The following NOX3 variants were observed in gnomAD, a reference collection of about 807,000 sequenced individuals.
NOX3 encodes NADPH oxidase 3.
A neutral mutation model predicts 76.7 loss-of-function variants in NOX3; 74 were observed. That is an observed-to-expected ratio of 0.96 (90% confidence interval 0.80 to 1.17). The LOEUF is 1.17. NOX3 is among the 50% of genes most tolerant of loss of function. The probability of loss-of-function intolerance (pLI) is 0.00; values close to 1 mark genes in which losing one functional copy is unlikely to be tolerated. For missense variants in NOX3, 695 were observed against 703.3 expected (o/e 0.99, Z 0.13); for synonymous variants, 263 against 261.1 (o/e 1.01, Z -0.07).
At position 155,429,034 on chromosome 6, in the gene NOX3, G is replaced by T. The variant is rs774406436; in HGVS notation, c.905C>A (p.Pro302His). The change falls in exon 9 of 14, where the codon CCC becomes CAC. Residue 302 changes from proline to histidine, a missense_variant. Pro to His is a moderately conservative substitution (Grantham distance 77). Coordinates refer to ENST00000159060, the MANE Select transcript of NOX3 (RefSeq NM_015718.3). Reference sequence around the variant, plus strand: ...CATGTGAAGTTCCAGGACTCCAGAGGGGTGGCTTACCACCTATGTGAGAGT... The same window carrying T: ...CATGTGAAGTTCCAGGACTCCAGAGTGGTGGCTTACCACCTATGTGAGAGT... ...EVVITKVVSH[P>H]SGVLELHMKK... 4.4e-6 allele frequency: 7 copies of T among 1,598,828 alleles called. No individual in the cohort carries two copies. In the East Asian group the frequency reaches 1.4e-4, roughly 31 times the overall value.
At chr6:155,420,355 C>T (rs962033734) in intron 10 of NOX3, among the ~76,000 whole-genome samples, 5 of 152,162 alleles carry the variant, frequency 3.3e-5, no homozygotes, top group African/African-American at 1.2e-4. Flanking sequence ...AGCAGTGAGC[C>T]ACCTCTCTGA....
At chr6:155,418,224 T>C (rs1251257980) in intron 10 of NOX3, among the ~76,000 whole-genome samples, 2 of 152,072 alleles carry the variant, frequency 1.3e-5, no homozygotes, top group African/African-American at 2.4e-5. Context: ...ACCGTCCTAA[T>C]TTTTTTTCAA....
intron 11 of NOX3, among the ~76,000 whole-genome samples, chr6:155,407,593 T>C (rs1339248638): frequency 1.3e-5 from 2 of 152,240 alleles, no homozygotes; most frequent in East Asian, 3.8e-4. Context: ...CTTCCTTCTT[T>C]TCCTGCCAAA....
chr6:155,426,984 CGTGTGTGTGTGT>C lies in NOX3; in HGVS notation c.1145+1798_1145+1809del, dbSNP rs764029957. ...CCGAGAAAGCAGTTAGACACTGTGG[CGTGTGTGTGTGT>C]GTGTGTGTGTGTGTGTGTGTGTGTG... On this transcript the variant is annotated intron_variant, in intron 9 of 13. Coordinates refer to ENST00000159060, the MANE Select transcript of NOX3 (RefSeq NM_015718.3). Among the ~76,000 whole-genome samples, 118 of 41,920 alleles carry C rather than the reference CGTGTGTGTGTGT, an allele frequency of 2.8e-3. 1 individual carries two copies. The highest frequency in any genetic ancestry group is 7.0e-3 in the African/African-American group (81 of 11,654). The allele number at this position is 41,920 out of a possible 152,430, so 27.5% of individuals were successfully genotyped here.
chr6:155,414,069 G>T (rs1177274509), intron 10 of NOX3, among the ~76,000 whole-genome samples: 1 of 152,104 alleles, frequency 6.6e-6, no homozygotes, highest in Admixed American at 6.5e-5. Context: ...TCCTCGTAAT[G>T]GCTTTGTGTG....
At chr6:155,451,816 C>T (rs748379970) in intron 4 of NOX3, among the ~76,000 whole-genome samples, 5 of 151,938 alleles carry the variant, frequency 3.3e-5, no homozygotes, top group South Asian at 4.2e-4. Flanking sequence ...TTGGTAGAGA[C>T]GGGCTTTCAC....
rs758698118 is a variant in NOX3 at position 155,453,417 on chromosome 6, T to G, written c.327A>C (p.Ile109=). The change falls in exon 4 of 14, where the codon ATA becomes ATC. Residue 109 remains isoleucine, a synonymous_variant. Coordinates refer to ENST00000159060, the MANE Select transcript of NOX3 (RefSeq NM_015718.3). ...ATAAGTACTTACTTGCATTAACAGC[T>G]ATCCCATAGGCGACCAGTTTGTGAA... ...LRFHKLVAYG[I]AVNATIHIVA... is the part of the protein sequence containing the mutation. 3.7e-6 allele frequency: 6 copies of G among 1,612,292 alleles called. No individual in the cohort carries two copies. The highest frequency in any genetic ancestry group is 1.6e-4 in the Middle Eastern group (1 of 6,080).
At position 155,407,049 on chromosome 6, in the gene NOX3, C is replaced by A. The variant is rs113167485; in HGVS notation, c.1580+81G>T. On this transcript the variant is annotated intron_variant, in intron 12 of 13. Coordinates refer to ENST00000159060, the MANE Select transcript of NOX3 (RefSeq NM_015718.3). ...TCTCTAATGGAGATATACGGTACTG[C>A]AGATTAACTTTTCACTCCAGCAGCC... 33 of 1,482,136 alleles carry A rather than the reference C, an allele frequency of 2.2e-5. No homozygotes were observed. The African/African-American group carries it at 3.7e-4, about 17-fold the overall frequency. 91.8% of individuals were successfully genotyped at this position (1,482,136 alleles called of 1,614,324 possible). A position where few individuals can be genotyped will look rare whatever the true frequency, so the allele number is the denominator to read the frequency against.
chr6:155,410,824 G>C (rs769226620), intron 11 of NOX3, among the ~76,000 whole-genome samples: 3 of 151,976 alleles, frequency 2.0e-5, no homozygotes, highest in Non-Finnish European at 4.4e-5. Context: ...AATCTTTTTT[G>C]CTTAGCTCTG....
chr6:155,445,969 A>AAT (rs1253248876), intron 4 of NOX3, among the ~76,000 whole-genome samples: 2 of 96,664 alleles, frequency 2.1e-5, no homozygotes, highest in African/African-American at 4.2e-5. Context: ...ATATATATAT[A>AAT]ATATATATAT....
chr6:155,446,081 G>A (rs1400691476), intron 4 of NOX3, among the ~76,000 whole-genome samples: 2 of 150,288 alleles, frequency 1.3e-5, no homozygotes, highest in African/African-American at 2.5e-5. Flanking sequence ...CACCCAAGAA[G>A]GCAAAGCACT....
At chr6:155,439,446 G>T (rs1562469518) in intron 6 of NOX3, among the ~76,000 whole-genome samples, 1 of 152,112 alleles carries the variant, frequency 6.6e-6, no homozygotes, top group Non-Finnish European at 1.5e-5. Context: ...GAGGTCAAAT[G>T]GGGAAACTGA....
intron 10 of NOX3, among the ~76,000 whole-genome samples, chr6:155,418,149 C>T (rs1469715394): frequency 1.3e-5 from 2 of 152,120 alleles, no homozygotes; most frequent in African/African-American, 4.8e-5. Context: ...GTCAGCAATC[C>T]TCCCCCTCCC....
intron 11 of NOX3, among the ~76,000 whole-genome samples, chr6:155,410,393 C>A (rs977390467): frequency 3.3e-5 from 5 of 152,100 alleles, no homozygotes; most frequent in African/African-American, 1.2e-4. Flanking sequence ...TAATGTCAAT[C>A]TCCCAGGCTC....
At chr6:155,407,046 C>T in intron 12 of NOX3, 84 bp downstream of exon 12, 1 of 1,464,294 alleles carries the variant, frequency 6.8e-7, no homozygotes, top group South Asian at 1.2e-5. Flanking sequence ...ATATACGGTA[C>T]TGCAGATTAA....
chr6:155,451,716 C>T (rs1777146586), intron 4 of NOX3, among the ~76,000 whole-genome samples: 1 of 152,054 alleles, frequency 6.6e-6, no homozygotes, highest in Non-Finnish European at 1.5e-5. Flanking sequence ...CCTTCGCCTC[C>T]TGGGCTCAAG....
chr6:155,446,579 G>C (rs771399412), intron 4 of NOX3, among the ~76,000 whole-genome samples: 1 of 152,092 alleles, frequency 6.6e-6, no homozygotes, highest in Non-Finnish European at 1.5e-5. Context: ...TGCGTGACTC[G>C]GTGCCCCATC....
chr6:155,439,991 G>C lies in NOX3; in HGVS notation c.633C>G (p.Ile211Met), dbSNP rs1027952145. 1.9e-6 allele frequency: 3 copies of C among 1,613,830 alleles called. No homozygotes were observed. Among genetic ancestry groups the C allele is most frequent in the Non-Finnish European group, 2.5e-6 (3 of 1,179,966 alleles). The change falls in exon 6 of 14, where the codon ATC (isoleucine) becomes ATG (methionine). Residue 211 changes from isoleucine to methionine, a missense_variant. Physicochemically the swap from Ile to Met is conservative, Grantham distance 10. Transcript: ENST00000159060. ...GGATGGCCAGGCTGAGAAAGAAGACGATGAAAACATGGTGTGTGTACCAGA... is the reference window on the plus strand; with the variant it reads ...GGATGGCCAGGCTGAGAAAGAAGACCATGAAAACATGGTGTGTGTACCAGA... ...ELFWYTHHVF[I>M]VFFLSLAIHG...
chr6:155,426,246 T>C (rs1776753353), intron 9 of NOX3, among the ~76,000 whole-genome samples: 1 of 152,168 alleles, frequency 6.6e-6, no homozygotes, highest in African/African-American at 2.4e-5. Context: ...TTATGACAAC[T>C]CATTTTTATC....
Sources: allele counts gnomAD v4.1 joint callset (sites outside exome capture counted in the v4.1 genomes callset), GRCh38; gene constraint gnomAD v4.1.1; transcripts MANE v1.5; gene names NCBI Gene and HGNC (gene_info 2026-07-23, HGNC 2026-07-21).